Variants in CRY1 observed in about 807,000 individuals in gnomAD.
The protein encoded by CRY1 is cryptochrome-1.
Under a neutral mutation model 76.0 loss-of-function variants are expected in CRY1, and 45 were observed. The ratio of observed to expected loss-of-function variants is 0.59; its 90% confidence interval spans 0.47 to 0.76. The LOEUF (loss-of-function observed/expected upper bound fraction) is 0.76. CRY1 is among the 30% of genes least tolerant of loss of function. The pLI, the probability that CRY1 is intolerant of heterozygous loss-of-function variation, is 0.00. For missense variants in CRY1, 587 were observed against 716.4 expected, an observed-to-expected ratio of 0.82 and a Z score of 2.06; for synonymous variants, 248 against 244.0, an observed-to-expected ratio of 1.02 and a Z score of -0.15.
intron 1 of CRY1, among the ~76,000 whole-genome samples, chr12:107,040,337 G>GTGGA (rs1952784481): frequency 6.7e-5 from 1 of 15,028 alleles, no homozygotes; most frequent in Non-Finnish European, 1.0e-4. Flanking sequence ...CCAGGCTGGA[G>GTGGA]GTGCAGTGGC....
chr12:107,009,603 A>ATATGTAT (rs1566245681), intron 2 of CRY1, among the ~76,000 whole-genome samples: 4 of 7,780 alleles, frequency 5.1e-4, no homozygotes, highest in African/African-American at 8.5e-4. Flanking sequence ...TATATATATA[A>ATATGTAT]AATCTCTATA....
intron 1 of CRY1, among the ~76,000 whole-genome samples, chr12:107,055,089 C>G (rs1952967519): frequency 6.6e-6 from 1 of 151,844 alleles, no homozygotes; most frequent in South Asian, 2.1e-4. Flanking sequence ...ACAATGAAGA[C>G]AGCAGTATAC....
intron 1 of CRY1, among the ~76,000 whole-genome samples, chr12:107,045,475 T>A (rs138372553): frequency 1.3e-5 from 2 of 152,290 alleles, no homozygotes; most frequent in East Asian, 3.9e-4. Context: ...ATGGCCAACG[T>A]GGCGAAACCC....
rs1952281726 is a variant in CRY1, at chr12:106,999,808, CA to C, written c.879del (p.Glu294AsnfsTer34). On this transcript the variant is annotated frameshift_variant, in exon 7 of 13. Transcript: ENST00000008527. LOFTEE classifies it high-confidence loss of function. ...PLSLYGQLLW[R>X]EFFYTAATNN... ...TTTGTTGCTGCTGTATAGAAAAATT[CA>C]CGCCATAACAGTTGCCCATAAAGGG... is the stretch of plus-strand genomic sequence containing the variant. 6.2e-7 allele frequency: 1 copy of C among 1,614,042 alleles called. No individual in the cohort carries two copies. Among genetic ancestry groups the C allele is most frequent in the Admixed American group, 1.7e-5 (1 of 60,008 alleles).
intron 1 of CRY1, 41 bp from the exon 2 acceptor site, chr12:107,022,233 A>G (rs1415468420): frequency 1.6e-6 from 2 of 1,223,158 alleles, no homozygotes; most frequent in East Asian, 5.4e-5. Context: ...TAAAAAATAC[A>G]TATTTAGAAG....
chr12:107,070,245 CAG>C (rs1593537553), intron 1 of CRY1, among the ~76,000 whole-genome samples: 1 of 152,058 alleles, frequency 6.6e-6, no homozygotes, highest in Non-Finnish European at 1.5e-5. Flanking sequence ...ATTAAGATAA[CAG>C]ATATAATATG....
In CRY1 at chr12:107,093,330, G is replaced by T; in HGVS notation, c.-369C>A. On this transcript the variant is annotated 5_prime_UTR_variant, in exon 1 of 13. Coordinates refer to ENST00000008527, the MANE Select transcript of CRY1 (RefSeq NM_004075.5). ...CGAGCCGGCACGGACGGCCCCAGGA[G>T]ATTCGTCACGGAAACCTCGCCCCAC... 1 of 205,184 alleles carries T rather than the reference G, an allele frequency of 4.9e-6. No homozygotes were observed. Among genetic ancestry groups the T allele is most frequent in the Non-Finnish European group, 9.7e-6 (1 of 103,012 alleles). The allele number at this position is 205,184 out of a possible 1,614,324, so 12.7% of individuals were successfully genotyped here.
At chr12:107,042,592 G>T (rs1246281306) in intron 1 of CRY1, among the ~76,000 whole-genome samples, 1 of 125,360 alleles carries the variant, frequency 8.0e-6, no homozygotes, top group African/African-American at 2.8e-5. Flanking sequence ...GCCAGGTAAT[G>T]ATATACTGTA....
intron 1 of CRY1, among the ~76,000 whole-genome samples, chr12:107,026,653 G>A (rs1952619489): frequency 6.6e-6 from 1 of 152,094 alleles, no homozygotes; most frequent in Non-Finnish European, 1.5e-5. Flanking sequence ...TAGTAGGGGT[G>A]TCTTGTGTAA....
intron 1 of CRY1, among the ~76,000 whole-genome samples, chr12:107,085,391 T>C (rs1036767370): frequency 2.0e-5 from 3 of 152,160 alleles, no homozygotes; most frequent in South Asian, 4.1e-4. Flanking sequence ...CTGTTCACAA[T>C]AGCAAAGACT....
At chr12:107,031,611 T>A (rs529284475) in intron 1 of CRY1, among the ~76,000 whole-genome samples, 6 of 152,300 alleles carry the variant, frequency 3.9e-5, no homozygotes, top group African/African-American at 1.2e-4. Flanking sequence ...CATGTTGATA[T>A]TATGTTCACT....
In CRY1 at chr12:107,081,867, T is replaced by A. The variant is rs137897955; in HGVS notation, c.158+10937A>T. On this transcript the variant is annotated intron_variant, in intron 1 of 12. Coordinates refer to ENST00000008527, the MANE Select transcript of CRY1 (RefSeq NM_004075.5). ...GTGCCTGATATAGTTTACATATTTG[T>A]CCCCTTCAAATCCCATGTTAAAACT... Among the ~76,000 whole-genome samples the A allele has an allele frequency of 1.0e-3, 152 of 152,122 alleles. 1 individual carries two copies. The highest frequency in any genetic ancestry group is 1.8e-3 in the Non-Finnish European group (119 of 67,910).
At chr12:106,992,660 G>T in intron 12 of CRY1, 127 bp downstream of exon 12, 1 of 835,584 alleles carries the variant, frequency 1.2e-6, no homozygotes, top group Non-Finnish European at 1.8e-6. Flanking sequence ...TGTAAAAATT[G>T]CTTAAAAATT....
Position 107,092,826 on chromosome 12 carries a change from TGGA to T in CRY1, c.133_135del (p.Ser45del). 1.2e-6 allele frequency: 2 copies of T among 1,611,640 alleles called. No homozygotes were observed. Among genetic ancestry groups the T allele is most frequent in the South Asian group, 2.2e-5 (2 of 90,836 alleles). On this transcript the variant is annotated inframe_deletion, in exon 1 of 13. Coordinates refer to ENST00000008527, the MANE Select transcript of CRY1 (RefSeq NM_004075.5). ...CACCGCCACCTGTTGATGCCCACAT[TGGA>T]GGAGCCGGCGAACCAGGGGTCCAGG...
At chr12:107,019,791 T>C (rs1952533537) in intron 2 of CRY1, among the ~76,000 whole-genome samples, 1 of 151,948 alleles carries the variant, frequency 6.6e-6, no homozygotes, top group East Asian at 1.9e-4. Context: ...TATGGTGGTA[T>C]ACAGCTGCAG....
Position 107,022,094 on chromosome 12 carries a change from C to T in CRY1, c.257G>A (p.Arg86Lys). ...TATTTTTCAAATTACCTTGAAAAGC[C>T]TGGGAAACACATCTGCTGGTTGTCC... ...IRGQPADVFP[R>K]LFKEWNITKL... Residue 86 changes from arginine (R) to lysine (K), a missense_variant, in exon 2 of 13, where the codon AGG becomes AAG. Physicochemically the swap from Arg to Lys is conservative, Grantham distance 26 (BLOSUM62 2). Coordinates refer to ENST00000008527, the MANE Select transcript of CRY1 (RefSeq NM_004075.5). The T allele has an allele frequency of 1.9e-6, 3 of 1,599,868 alleles. No homozygotes were observed. Among genetic ancestry groups the T allele is most frequent in the Non-Finnish European group, 2.6e-6 (3 of 1,172,796 alleles).
rs1172486474 is a variant in CRY1, at chr12:106,993,004, C to T, written c.1618G>A (p.Ala540Thr). 6.2e-7 allele frequency: 1 copy of T among 1,614,042 alleles called. No individual in the cohort carries two copies. Among genetic ancestry groups the T allele is most frequent in the Non-Finnish European group, 8.5e-7 (1 of 1,179,920 alleles). The change falls in exon 11 of 13, where the codon GCT (alanine) becomes ACT (threonine). Residue 540 changes from alanine to threonine, a missense_variant. Physicochemically the swap from Ala to Thr is moderately conservative, Grantham distance 58 (BLOSUM62 0). Transcript: ENST00000008527. ...TGAGTTTGCTGACTGTCGCCATGAG[C>T]ATAGTGTAAAATACCACTCCCTTGA... ...CSQGSGILHYAHGDSQQTHLL... is the reference protein window; with the variant it reads ...CSQGSGILHYTHGDSQQTHLL...
At chr12:107,054,110 A>G (rs181936806) in intron 1 of CRY1, among the ~76,000 whole-genome samples, 1 of 152,204 alleles carries the variant, frequency 6.6e-6, no homozygotes, top group Non-Finnish European at 1.5e-5. Context: ...TAAATAGTAG[A>G]TATGTGGGTA....
chr12:106,997,933 G>A lies in CRY1; in HGVS notation c.1271C>T (p.Pro424Leu), dbSNP rs1158349977. ...CPVGFGRRTD[P>L]NGDYIRRYLP... is the part of the protein sequence containing the mutation. ...GATTTACCTGATATAGTCTCCATTG[G>A]GATCTGTTCTCCTACCAAAACCAAC... The change falls in exon 8 of 13, where the codon CCC (proline) becomes CTC (leucine). Residue 424 changes from proline to leucine, a missense_variant. Pro to Leu is a moderately conservative substitution (Grantham distance 98). Transcript: ENST00000008527. 2 of 1,613,882 alleles carry A rather than the reference G, an allele frequency of 1.2e-6. No individual in the cohort carries two copies. Among genetic ancestry groups the A allele is most frequent in the Non-Finnish European group, 1.7e-6 (2 of 1,179,938 alleles).
Sources: allele counts gnomAD v4.1 joint callset (sites outside exome capture counted in the v4.1 genomes callset), GRCh38; gene constraint gnomAD v4.1.1; transcripts MANE v1.5; gene names NCBI Gene and HGNC (gene_info 2026-07-23, HGNC 2026-07-21).